The following PARVA variants were observed in gnomAD, a reference collection of about 807,000 sequenced individuals.
PARVA encodes alpha-parvin.
In PARVA, 25 loss-of-function variants were observed where a neutral mutation model predicts 52.6. The ratio of observed to expected loss-of-function variants is 0.48; its 90% confidence interval spans 0.35 to 0.66. PARVA has a LOEUF of 0.66. PARVA is among the 30% of genes least tolerant of loss of function. The pLI, the probability that PARVA is intolerant of heterozygous loss-of-function variation, is 0.01. For synonymous variants in PARVA, 185 were observed against 179.1 expected (o/e 1.03, Z -0.26); for missense variants, 373 against 450.9 (o/e 0.83, Z 1.56).
chr11:12,417,856 A>G (rs1175047013), intron 1 of PARVA, among the ~76,000 whole-genome samples: 1 of 152,166 alleles, frequency 6.6e-6, no homozygotes, highest in Non-Finnish European at 1.5e-5. Flanking sequence ...TGGAGCCAAC[A>G]GCCCCTTCTA....
At chr11:12,377,808 C>G in intron 1 of PARVA, 25 bp downstream of exon 1, 9 of 1,469,166 alleles carry the variant, frequency 6.1e-6, no homozygotes, top group Non-Finnish European at 8.1e-6. Context: ...GCCGGCCGGG[C>G]GGGCGGTAGG....
chr11:12,435,962 A>T (rs1246719537), intron 1 of PARVA, among the ~76,000 whole-genome samples: 2 of 152,042 alleles, frequency 1.3e-5, no homozygotes, highest in African/African-American at 4.8e-5. Context: ...AGCTGGGACT[A>T]CAGGCGCGTA....
rs1459735602 is a variant in PARVA, at chr11:12,533,306, GT to G, written c.*5385del. ...CCTCTCACCTCGGAGGAGGACTCCT[GT>G]TTTACCAACGGCAGGAGCAGGAATC... On this transcript the variant is annotated 3_prime_UTR_variant, in exon 13 of 13. Transcript: ENST00000334956. Among the ~76,000 whole-genome samples the G allele has an allele frequency of 1.3e-5, 2 of 152,236 alleles. No homozygotes were observed. The highest frequency in any genetic ancestry group is 4.8e-5 in the African/African-American group (2 of 41,478).
At chr11:12,519,042 C>G (rs1941607508) in intron 12 of PARVA, among the ~76,000 whole-genome samples, 2 of 152,228 alleles carry the variant, frequency 1.3e-5, no homozygotes, top group African/African-American at 4.8e-5. Flanking sequence ...CCTGCATACT[C>G]CTGCTAGGAG....
chr11:12,511,972 C>A (rs1178642850), intron 8 of PARVA, among the ~76,000 whole-genome samples: 1 of 152,110 alleles, frequency 6.6e-6, no homozygotes, highest in African/African-American at 2.4e-5. Flanking sequence ...AAACAACAAT[C>A]AAAAAGAACC....
chr11:12,498,265 A>C (rs1001046984), intron 5 of PARVA, among the ~76,000 whole-genome samples: 1 of 152,092 alleles, frequency 6.6e-6, no homozygotes, highest in African/African-American at 2.4e-5. Flanking sequence ...CGAACTCCTG[A>C]GCTCAGGCAG....
In PARVA at chr11:12,508,590, G is replaced by T. The variant is rs2135072538; in HGVS notation, c.664G>T (p.Glu222Ter). Residue 222 changes from glutamate (E) to a stop codon, truncating the protein, a stop_gained, in exon 7 of 13, where the codon GAA becomes TAA. Coordinates refer to ENST00000334956, the MANE Select transcript of PARVA (RefSeq NM_018222.5). LOFTEE classifies it high-confidence loss of function. The stretch of plus-strand genomic sequence containing the variant: ...TTCCCCACCCCCATTTCAGAAACGA[G>T]AAGGAATCCTCCAGTCTCGGCAAAT... ...SIQVVVVQKR[E>*]GILQSRQIQE... 6.2e-7 allele frequency: 1 copy of T among 1,609,016 alleles called. No individual in the cohort carries two copies. Among genetic ancestry groups the T allele is most frequent in the Non-Finnish European group, 8.5e-7 (1 of 1,177,308 alleles).
At chr11:12,503,208 T>C (rs562909751) in intron 5 of PARVA, among the ~76,000 whole-genome samples, 1 of 152,296 alleles carries the variant, frequency 6.6e-6, no homozygotes, top group South Asian at 2.1e-4. Context: ...CCAAGTAACA[T>C]AGCCCTTTGA....
intron 1 of PARVA, among the ~76,000 whole-genome samples, chr11:12,404,781 G>A (rs539288412): frequency 2.3e-3 from 350 of 152,298 alleles, no homozygotes; most frequent in Non-Finnish European, 4.0e-3. Flanking sequence ...AGCACTTTTG[G>A]TCCTGGCACC....
At chr11:12,469,348 C>T (rs1940899600) in intron 1 of PARVA, among the ~76,000 whole-genome samples, 1 of 152,172 alleles carries the variant, frequency 6.6e-6, no homozygotes, top group Middle Eastern at 3.2e-3. Context: ...TTCCCTACCC[C>T]GACCTTCAGC....
chr11:12,485,079 G>A (rs1941142310), intron 4 of PARVA, among the ~76,000 whole-genome samples: 1 of 152,192 alleles, frequency 6.6e-6, no homozygotes, highest in Non-Finnish European at 1.5e-5. Context: ...CTCCCAAAGT[G>A]GTGGGATTAA....
intron 1 of PARVA, among the ~76,000 whole-genome samples, chr11:12,454,865 T>G (rs1445746280): frequency 6.6e-6 from 1 of 152,242 alleles, no homozygotes; most frequent in East Asian, 1.9e-4. Context: ...AAATTAATAA[T>G]TCCTTAACAT....
intron 4 of PARVA, among the ~76,000 whole-genome samples, chr11:12,490,815 G>T (rs964136978): frequency 1.3e-5 from 2 of 152,102 alleles, no homozygotes; most frequent in Non-Finnish European, 2.9e-5. Context: ...TTATGTAATT[G>T]GAGTCAACGC....
intron 1 of PARVA, among the ~76,000 whole-genome samples, chr11:12,454,824 T>C (rs1365402): frequency 0.089 from 13,590 of 152,250 alleles, 676 homozygotes; most frequent in Middle Eastern, 0.12. Context: ...TAAGGATCCT[T>C]TTTAAAAAAC....
At chr11:12,460,374 A>G (rs1332454368) in intron 1 of PARVA, among the ~76,000 whole-genome samples, 1 of 150,680 alleles carries the variant, frequency 6.6e-6, no homozygotes, top group African/African-American at 2.5e-5. Context: ...TAAAATGAGG[A>G]TAATAATAGT....
chr11:12,385,805 C>A (rs1939564332), intron 1 of PARVA, among the ~76,000 whole-genome samples: 2 of 152,166 alleles, frequency 1.3e-5, no homozygotes, highest in Non-Finnish European at 2.9e-5. Flanking sequence ...TTGAAGGAAG[C>A]ATGTACGTGT....
At chr11:12,397,675 AC>A (rs1939768526) in intron 1 of PARVA, among the ~76,000 whole-genome samples, 2 of 152,268 alleles carry the variant, frequency 1.3e-5, no homozygotes, top group South Asian at 4.2e-4. Flanking sequence ...CTTTAGCCAC[AC>A]ATTTTTAGGC....
chr11:12,381,809 A>G (rs1939490871), intron 1 of PARVA, among the ~76,000 whole-genome samples: 1 of 152,232 alleles, frequency 6.6e-6, no homozygotes, highest in Non-Finnish European at 1.5e-5. Flanking sequence ...CTGAAATGGT[A>G]GGTAACCACA....
At chr11:12,404,874 G>A (rs1397682204) in intron 1 of PARVA, among the ~76,000 whole-genome samples, 1 of 152,196 alleles carries the variant, frequency 6.6e-6, no homozygotes, top group East Asian at 1.9e-4. Context: ...GCTGTGGAAG[G>A]CCAAGGAGAA....
Sources: allele counts gnomAD v4.1 joint callset (sites outside exome capture counted in the v4.1 genomes callset), GRCh38; gene constraint gnomAD v4.1.1; transcripts MANE v1.5; gene names NCBI Gene and HGNC (gene_info 2026-07-23, HGNC 2026-07-21).